MIR2052HG: variants seen among roughly 807,000 people sequenced by gnomAD.
The protein encoded by MIR2052HG is MIR2052 host gene.
At chr8:74,603,982 G>A in intron 1 of MIR2052HG, 1 of 964,900 alleles carries the variant, frequency 1.0e-6, no homozygotes, top group Non-Finnish European at 1.7e-6. Flanking sequence ...TGTGCTACTG[G>A]TCATAGAGCT....
chr8:74,692,759 CA>C (rs1488258811), intron 2 of MIR2052HG, among the ~76,000 whole-genome samples: 6 of 152,182 alleles, frequency 3.9e-5, no homozygotes, highest in African/African-American at 1.4e-4. Context: ...TTCAGGTTAA[CA>C]GTTCTGTCTT....
intron 2 of MIR2052HG, among the ~76,000 whole-genome samples, chr8:74,630,771 G>A (rs1313321958): frequency 6.6e-6 from 1 of 152,128 alleles, no homozygotes; most frequent in Non-Finnish European, 1.5e-5. Flanking sequence ...TTCACAACAA[G>A]AAGAGTGGAA....
At chr8:74,643,105 T>C (rs558381949) in intron 2 of MIR2052HG, among the ~76,000 whole-genome samples, 1 of 152,342 alleles carries the variant, frequency 6.6e-6, no homozygotes, top group Admixed American at 6.5e-5. Context: ...GGGAGCATTC[T>C]AAATTTTGTC....
At chr8:74,732,837 T>C (rs751143081) in intron 4 of MIR2052HG, among the ~76,000 whole-genome samples, 20 of 152,008 alleles carry the variant, frequency 1.3e-4, no homozygotes, top group Non-Finnish European at 2.4e-4. Context: ...AAACCACTGA[T>C]GAATGGGCAG....
intron 4 of MIR2052HG, among the ~76,000 whole-genome samples, chr8:74,741,567 C>G (rs1809830719): frequency 6.6e-6 from 1 of 152,118 alleles, no homozygotes; most frequent in Non-Finnish European, 1.5e-5. Context: ...TTTATAAGTA[C>G]TATAGATGCT....
exon 5 of MIR2052HG, chr8:74,752,529 T>A: frequency 2.2e-6 from 1 of 455,292 alleles, no homozygotes; most frequent in Non-Finnish European, 4.4e-6. Flanking sequence ...AGAGTTCATC[T>A]GAAAGTAAGT....
chr8:74,678,166 C>T (rs922105294), intron 2 of MIR2052HG, among the ~76,000 whole-genome samples: 1 of 152,086 alleles, frequency 6.6e-6, no homozygotes, highest in African/African-American at 2.4e-5. Context: ...AAAATATTTT[C>T]ACAGAGAAAA....
At chr8:74,627,710 A>G (rs568565722) in intron 2 of MIR2052HG, among the ~76,000 whole-genome samples, 1 of 152,334 alleles carries the variant, frequency 6.6e-6, no homozygotes, top group South Asian at 2.1e-4. Context: ...GTGGTTGTCC[A>G]TGTAATGGTG....
At chr8:74,685,137 A>G (rs536910052) in intron 2 of MIR2052HG, among the ~76,000 whole-genome samples, 1 of 152,252 alleles carries the variant, frequency 6.6e-6, no homozygotes, top group Non-Finnish European at 1.5e-5. Flanking sequence ...TTTGACATGC[A>G]AGAAGTTGCA....
At position 74,600,587 on chromosome 8, in the gene MIR2052HG, G is replaced by GA. The variant is rs748726692; in HGVS notation, n.128+691dup. ...CCCTCTCAAAAAAAAAAAGAAAAAG[G>GA]AAAAAAAAAAAAGAGACGGAGCTCT... On this transcript the variant is annotated intron_variant and non_coding_transcript_variant, in intron 1 of 6. Coordinates refer to ENST00000523442, the Ensembl canonical transcript of MIR2052HG. 9.0e-3 allele frequency among the ~76,000 whole-genome samples: 1,236 copies of GA among 137,528 alleles called. 14 individuals are homozygous for GA. Among genetic ancestry groups the GA allele is most frequent in the African/African-American group, 0.026 (916 of 35,396 alleles). 90.2% of individuals were successfully genotyped at this position (137,528 alleles called of 152,430 possible).
intron 2 of MIR2052HG, among the ~76,000 whole-genome samples, chr8:74,613,637 C>A (rs954690307): frequency 6.6e-6 from 1 of 152,156 alleles, no homozygotes; most frequent in Non-Finnish European, 1.5e-5. Flanking sequence ...AGGCACCCAC[C>A]ACCACGCCCG....
chr8:74,625,505 G>C (rs1586894952), intron 2 of MIR2052HG, among the ~76,000 whole-genome samples: 1 of 152,170 alleles, frequency 6.6e-6, no homozygotes, highest in Admixed American at 6.5e-5. Context: ...TTTAAATGTA[G>C]ATTTTACCAA....
intron 2 of MIR2052HG, among the ~76,000 whole-genome samples, chr8:74,642,141 A>G (rs1043760454): frequency 3.1e-4 from 47 of 152,150 alleles, no homozygotes; most frequent in African/African-American, 1.1e-3. Flanking sequence ...GAAGGTCATT[A>G]AACTTGCTCA....
intron 2 of MIR2052HG, among the ~76,000 whole-genome samples, chr8:74,618,793 G>A (rs550638892): frequency 6.6e-6 from 1 of 152,270 alleles, no homozygotes; most frequent in South Asian, 2.1e-4. Context: ...ATTCTAACCA[G>A]AGCAATTAGA....
At chr8:74,657,474 C>T (rs180830599) in intron 2 of MIR2052HG, among the ~76,000 whole-genome samples, 49 of 152,220 alleles carry the variant, frequency 3.2e-4, no homozygotes, top group African/African-American at 1.2e-3. Context: ...ATCAGCACTG[C>T]CCAGGAGTCT....
chr8:74,740,885 A>C (rs1563544213), intron 4 of MIR2052HG, among the ~76,000 whole-genome samples: 1 of 150,728 alleles, frequency 6.6e-6, no homozygotes, highest in African/African-American at 2.5e-5. Context: ...TCTTCTCTCT[A>C]CCCCTGGGTT....
intron 2 of MIR2052HG, among the ~76,000 whole-genome samples, chr8:74,675,723 A>G (rs1401835762): frequency 6.6e-6 from 1 of 151,980 alleles, no homozygotes; most frequent in Non-Finnish European, 1.5e-5. Context: ...AATACCATAG[A>G]AAACACAATT....
intron 2 of MIR2052HG, among the ~76,000 whole-genome samples, chr8:74,627,122 C>T (rs958039289): frequency 5.3e-5 from 8 of 152,166 alleles, no homozygotes; most frequent in South Asian, 2.1e-4. Context: ...AGAACATAGG[C>T]CATCTAGAAA....
intron 4 of MIR2052HG, among the ~76,000 whole-genome samples, chr8:74,712,869 TAAA>T (rs1368286801): frequency 2.0e-5 from 3 of 152,104 alleles, no homozygotes; most frequent in African/African-American, 7.2e-5. Context: ...GATGTAGAAA[TAAA>T]AAAGACCTTG....
Sources: gnomAD v4.1 joint callset for allele counts (sites outside exome capture counted in the v4.1 genomes callset) on GRCh38, gnomAD v4.1.1 for gene constraint, MANE v1.5 for transcripts, NCBI Gene and HGNC (gene_info 2026-07-23, HGNC 2026-07-21) for gene names.